The following RNF212 variants were observed in gnomAD, a reference collection of about 807,000 sequenced individuals.
RNF212 encodes ring finger protein 212.
A neutral mutation model predicts 34.7 loss-of-function variants in RNF212; 33 were observed. That is an observed-to-expected ratio of 0.95 (90% CI 0.72 to 1.27). RNF212 has a LOEUF of 1.27. Ranked by LOEUF, RNF212 falls within the 50% of genes most tolerant of loss-of-function variation. RNF212 has a pLI of 0.00. For synonymous variants in RNF212, 140 were observed against 136.1 expected, an observed-to-expected ratio of 1.03 and a Z score of -0.20; for missense variants, 377 against 362.2, an observed-to-expected ratio of 1.04 and a Z score of -0.33.
At chr4:1,094,433 C>A (rs767192932) in intron 3 of RNF212, among the ~76,000 whole-genome samples, 7 of 152,142 alleles carry the variant, frequency 4.6e-5, no homozygotes, top group African/African-American at 1.4e-4. Context: ...AGTGGAGGCG[C>A]GTGCTGACTG....
At chr4:1,094,267 G>C (rs1722691358) in intron 3 of RNF212, among the ~76,000 whole-genome samples, 2 of 152,180 alleles carry the variant, frequency 1.3e-5, no homozygotes, top group African/African-American at 4.8e-5. Flanking sequence ...CGGGGGCCAG[G>C]GGAAGGACCC....
At chr4:1,091,966 C>T (rs747700354) in intron 3 of RNF212, among the ~76,000 whole-genome samples, 1 of 152,220 alleles carries the variant, frequency 6.6e-6, no homozygotes, top group Non-Finnish European at 1.5e-5. Flanking sequence ...AGCTCTTGTG[C>T]ACATTGCAGG....
chr4:1,113,502 G>A lies in RNF212; in HGVS notation c.-38C>T, dbSNP rs779208492. On this transcript the variant is annotated 5_prime_UTR_variant, in exon 1 of 10. Transcript: ENST00000433731. ...ACCGCAGCGGCGAGGCCGGGCCCAC[G>A]CGAAGCCCACGCAAGGTTGGGACCA... The A allele has an allele frequency of 2.6e-6, 4 of 1,554,826 alleles. No homozygotes were observed. Among genetic ancestry groups the A allele is most frequent in the African/African-American group, 1.4e-5 (1 of 71,940 alleles).
At chr4:1,056,604 CTT>C in intron 4 of RNF212, 1 of 536,678 alleles carries the variant, frequency 1.9e-6, no homozygotes, top group Non-Finnish European at 2.4e-6. Flanking sequence ...CAGATGTCAT[CTT>C]AGTATTTTCA....
intron 2 of RNF212, among the ~76,000 whole-genome samples, chr4:1,102,744 C>T (rs1278263590): frequency 1.3e-5 from 2 of 149,478 alleles, no homozygotes; most frequent in African/African-American, 2.5e-5. Flanking sequence ...CCCAGCTACT[C>T]GGGAGGCTGA....
chr4:1,102,950 G>A (rs1724250130), intron 2 of RNF212, among the ~76,000 whole-genome samples: 1 of 151,366 alleles, frequency 6.6e-6, no homozygotes. Context: ...GACCATCCTG[G>A]CTAACAGGGT....
At position 1,113,372 on chromosome 4, in the gene RNF212, G is replaced by A. The variant is rs763329824; in HGVS notation, c.93C>T (p.Asp31=). The change falls in exon 1 of 10, where the codon GAC becomes GAT. Residue 31 remains aspartate, a synonymous_variant. Coordinates refer to ENST00000433731, the MANE Select transcript of RNF212 (RefSeq NM_001131034.4). ...AGCCCTGACCTTTGCCGAGGCAGGCGTCGCAGTACACGTGCCCGCAGTTGG... is the reference window on the plus strand; with the variant it reads ...AGCCCTGACCTTTGCCGAGGCAGGCATCGCAGTACACGTGCCCGCAGTTGG... ...SLTNCGHVYC[D]ACLGKGKKNE... is the part of the protein sequence containing the mutation. 3.2e-6 allele frequency: 5 copies of A among 1,583,622 alleles called. No homozygotes were observed. The Admixed American group carries it at 5.3e-5, about 17-fold the overall frequency.
rs538628097 is a variant in RNF212 at position 1,106,028 on chromosome 4, G to T, written c.171+2315C>A. 5.9e-5 allele frequency among the ~76,000 whole-genome samples: 9 copies of T among 152,376 alleles called. No individual in the cohort carries two copies. The South Asian group carries it at 1.9e-3, about 32-fold the overall frequency. On this transcript the variant is annotated intron_variant, in intron 2 of 9. Transcript: ENST00000433731. ...GGACTTTGGCGCTTACTCCTGGAAA[G>T]TTGGGATGCATTTAAGCAGATCCCT... is the stretch of plus-strand genomic sequence containing the variant.
intron 1 of RNF212, among the ~76,000 whole-genome samples, chr4:1,110,675 A>G (rs1238235222): frequency 6.6e-6 from 1 of 152,224 alleles, no homozygotes; most frequent in Non-Finnish European, 1.5e-5. Context: ...TGTTTTAAAA[A>G]TCTGCATCTA....
intron 4 of RNF212, among the ~76,000 whole-genome samples, chr4:1,087,530 G>C (rs1721518234): frequency 7.1e-6 from 1 of 140,760 alleles, no homozygotes; most frequent in South Asian, 2.4e-4. Flanking sequence ...AGGTGGGGGG[G>C]TGACAGGACA....
intron 3 of RNF212, among the ~76,000 whole-genome samples, chr4:1,064,151 T>G (rs750434658): frequency 3.3e-5 from 5 of 152,188 alleles, no homozygotes; most frequent in Non-Finnish European, 7.3e-5. Flanking sequence ...AAACATAAGT[T>G]TAATTCAGGA....
At chr4:1,094,125 T>C (rs760183853) in intron 3 of RNF212, 23 of 1,295,102 alleles carry the variant, frequency 1.8e-5, no homozygotes, top group Non-Finnish European at 2.4e-5. Context: ...GAGAGTGCCA[T>C]GCAGGGGTCC....
chr4:1,070,165 G>A (rs1316149510), downstream of RNF212, among the ~76,000 whole-genome samples: 2 of 151,612 alleles, frequency 1.3e-5, no homozygotes, highest in Admixed American at 6.6e-5. Flanking sequence ...CTGTGTCAGC[G>A]TGGACGCCTG....
upstream of RNF212, chr4:1,113,592 C>CGCAAAGTCGACGGCAGCTCTGT: frequency 1.6e-6 from 1 of 626,032 alleles, no homozygotes; most frequent in African/African-American, 2.0e-5. Flanking sequence ...GGCAGCCCTG[C>CGCAAAGTCGACGGCAGCTCTGT]GCCCGCGCAC....
intron 8 of RNF212, among the ~76,000 whole-genome samples, chr4:1,075,901 G>A: frequency 6.6e-6 from 1 of 152,132 alleles, no homozygotes; most frequent in East Asian, 1.9e-4. Context: ...GGGCTCAAGG[G>A]ATCTGCCTGA....
intron 8 of RNF212, among the ~76,000 whole-genome samples, chr4:1,075,872 A>T (rs1048101328): frequency 1.3e-5 from 2 of 151,996 alleles, no homozygotes; most frequent in Admixed American, 1.3e-4. Context: ...CATGTCACCC[A>T]GGCTGGTCTC....
intron 3 of RNF212, among the ~76,000 whole-genome samples, chr4:1,061,028 A>G (rs1023669844): frequency 6.6e-6 from 1 of 152,246 alleles, no homozygotes; most frequent in African/African-American, 2.4e-5. Context: ...GCCTCTGGAA[A>G]TCAATTCAAG....
At chr4:1,068,150 G>A (rs1295424231), downstream of RNF212, among the ~76,000 whole-genome samples, 1 of 152,142 alleles carries the variant, frequency 6.6e-6, no homozygotes, top group African/African-American at 2.4e-5. Context: ...CCTGGAATAG[G>A]CAAAATTATG....
chr4:1,075,823 A>G (rs1484247827), intron 8 of RNF212, among the ~76,000 whole-genome samples: 1 of 152,074 alleles, frequency 6.6e-6, no homozygotes, highest in African/African-American at 2.4e-5. Context: ...GGTGTGCACC[A>G]CCATGCCCAG....
Sources: gnomAD v4.1 joint callset for allele counts (sites outside exome capture counted in the v4.1 genomes callset) on GRCh38, gnomAD v4.1.1 for gene constraint, MANE v1.5 for transcripts, NCBI Gene and HGNC (gene_info 2026-07-23, HGNC 2026-07-21) for gene names.